DNM3: variants seen among roughly 807,000 people sequenced by gnomAD.
DNM3 encodes dynamin 3, also known as dynamin-3.
A neutral mutation model predicts 101.6 loss-of-function variants in DNM3; 47 were observed. That is an observed-to-expected ratio of 0.46 (90% CI 0.37 to 0.59). The LOEUF is 0.59. DNM3 is among the 20% of genes least tolerant of loss of function. DNM3 has a pLI of 0.00. For missense variants in DNM3, 849 were observed against 1,085.7 expected, an observed-to-expected ratio of 0.78 and a Z score of 3.06; for synonymous variants, 385 against 387.9, an observed-to-expected ratio of 0.99 and a Z score of 0.09.
intron 14 of DNM3, among the ~76,000 whole-genome samples, chr1:172,233,983 G>A (rs1311405224): frequency 2.0e-5 from 3 of 152,288 alleles, no homozygotes; most frequent in South Asian, 2.1e-4. Context: ...ACTGGCACAA[G>A]ACAGGGATGC....
At chr1:172,402,472 C>G (rs563887492) in intron 20 of DNM3, among the ~76,000 whole-genome samples, 1 of 152,118 alleles carries the variant, frequency 6.6e-6, no homozygotes, top group Non-Finnish European at 1.5e-5. Context: ...ACTGCATATC[C>G]TTTTTATGCA....
chr1:171,888,719 A>G (rs2036995154), intron 1 of DNM3, among the ~76,000 whole-genome samples: 1 of 152,178 alleles, frequency 6.6e-6, no homozygotes, highest in African/African-American at 2.4e-5. Flanking sequence ...AAGGTGGACA[A>G]AGCAGTGGGG....
intron 4 of DNM3, among the ~76,000 whole-genome samples, chr1:172,014,241 T>A (rs945931669): frequency 6.6e-6 from 1 of 152,188 alleles, no homozygotes; most frequent in Non-Finnish European, 1.5e-5. Flanking sequence ...TGGATGGAAC[T>A]GGAGACTGTT....
At chr1:172,368,508 C>T (rs1007582922) in intron 17 of DNM3, among the ~76,000 whole-genome samples, 1 of 151,670 alleles carries the variant, frequency 6.6e-6, no homozygotes, top group Non-Finnish European at 1.5e-5. Context: ...GCAATAAACA[C>T]CAACATCAAA....
At chr1:172,082,722 A>T (rs1047858795) in intron 12 of DNM3, among the ~76,000 whole-genome samples, 10 of 152,254 alleles carry the variant, frequency 6.6e-5, no homozygotes, top group African/African-American at 2.4e-4. Context: ...TGTCAAATTA[A>T]TTTATTTTAT....
chr1:172,333,598 T>C (rs1422974490), intron 17 of DNM3, among the ~76,000 whole-genome samples: 1 of 152,178 alleles, frequency 6.6e-6, no homozygotes, highest in Non-Finnish European at 1.5e-5. Flanking sequence ...TTGTTTATCA[T>C]GCCTCAACTT....
At position 172,159,618 on chromosome 1, in the gene DNM3, C is replaced by A. The variant is rs551938401; in HGVS notation, c.1659+28330C>A. Among the ~76,000 whole-genome samples, 9 of 152,134 alleles carry A rather than the reference C, an allele frequency of 5.9e-5. 1 individual carries two copies. The South Asian group carries it at 1.9e-3, about 32-fold the overall frequency. On this transcript the variant is annotated intron_variant, in intron 14 of 20. Coordinates refer to ENST00000627582, the MANE Select transcript of DNM3 (RefSeq NM_015569.5). The stretch of plus-strand genomic sequence containing the variant: ...AGGAAACTTTTGATTCTATTCCTGC[C>A]TTTTATTTTGCAGCAGGAATTTGGC...
In DNM3 at chr1:172,187,860, C is replaced by A. The variant is rs548724252; in HGVS notation, c.1659+56572C>A. Among the ~76,000 whole-genome samples the A allele has an allele frequency of 1.3e-4, 20 of 152,148 alleles. No individual in the cohort carries two copies. In the South Asian group the frequency reaches 4.1e-3, roughly 32 times the overall value. On this transcript the variant is annotated intron_variant, in intron 14 of 20. Transcript: ENST00000627582. ...CTGTTGCTCTTCACTTCTCCTGTTT[C>A]CTTATATCAGGAATGATTCTTTGTC...
chr1:172,269,644 T>C (rs1403031495), intron 15 of DNM3, among the ~76,000 whole-genome samples: 2 of 152,218 alleles, frequency 1.3e-5, no homozygotes, highest in African/African-American at 2.4e-5. Flanking sequence ...GGATTCAAGA[T>C]ATTATCTGTC....
intron 15 of DNM3, among the ~76,000 whole-genome samples, chr1:172,304,440 T>C (rs2064674303): frequency 6.6e-6 from 1 of 151,592 alleles, no homozygotes; most frequent in Non-Finnish European, 1.5e-5. Context: ...TAAGGGGAGA[T>C]TTTAACACCC....
intron 17 of DNM3, among the ~76,000 whole-genome samples, chr1:172,337,412 G>A (rs996177017): frequency 6.6e-6 from 1 of 152,116 alleles, no homozygotes; most frequent in African/African-American, 2.4e-5. Context: ...CCCAAAGTAT[G>A]CTCAGACTAT....
chr1:172,221,881 G>T (rs529389000), intron 14 of DNM3, among the ~76,000 whole-genome samples: 4 of 151,858 alleles, frequency 2.6e-5, no homozygotes, highest in Admixed American at 6.6e-5. Context: ...TAAATCCCCC[G>T]TTTGAAATTA....
intron 14 of DNM3, among the ~76,000 whole-genome samples, chr1:172,222,428 G>A (rs1327548641): frequency 6.6e-6 from 1 of 152,134 alleles, no homozygotes; most frequent in Non-Finnish European, 1.5e-5. Flanking sequence ...GAAAGGAAAG[G>A]GAATATACCA....
intron 15 of DNM3, among the ~76,000 whole-genome samples, chr1:172,256,085 G>A (rs1248264391): frequency 6.6e-6 from 1 of 151,988 alleles, no homozygotes; most frequent in Non-Finnish European, 1.5e-5. Flanking sequence ...GTCACAATGT[G>A]CTATTCTTTA....
intron 20 of DNM3, among the ~76,000 whole-genome samples, chr1:172,406,634 A>C (rs1172551977): frequency 6.6e-6 from 1 of 151,968 alleles, no homozygotes; most frequent in Non-Finnish European, 1.5e-5. Flanking sequence ...TTTTTCCTTG[A>C]TCGTGTAATT....
intron 12 of DNM3, among the ~76,000 whole-genome samples, chr1:172,091,558 G>A (rs770168302): frequency 6.6e-6 from 1 of 152,186 alleles, no homozygotes; most frequent in Non-Finnish European, 1.5e-5. Context: ...CTAAATGGGA[G>A]TGTATTGGGT....
chr1:172,330,756 G>T (rs1433840523), intron 17 of DNM3, among the ~76,000 whole-genome samples: 3 of 151,842 alleles, frequency 2.0e-5, no homozygotes, highest in African/African-American at 7.3e-5. Flanking sequence ...AGTATAAAAT[G>T]GTGAAAACAG....
intron 1 of DNM3, among the ~76,000 whole-genome samples, chr1:171,871,224 G>A (rs951812183): frequency 6.6e-6 from 1 of 152,152 alleles, no homozygotes; most frequent in African/African-American, 2.4e-5. Flanking sequence ...AACGCCCAGA[G>A]CCCCAGGATA....
intron 15 of DNM3, among the ~76,000 whole-genome samples, chr1:172,300,386 T>A (rs2064384500): frequency 6.6e-6 from 1 of 152,194 alleles, no homozygotes; most frequent in Non-Finnish European, 1.5e-5. Context: ...AGGAGATCTT[T>A]CGTTTAATTA....
Sources: gnomAD v4.1 joint callset for allele counts (sites outside exome capture counted in the v4.1 genomes callset) on GRCh38, gnomAD v4.1.1 for gene constraint, MANE v1.5 for transcripts, NCBI Gene and HGNC (gene_info 2026-07-23, HGNC 2026-07-21) for gene names.